ESRP1: variants seen among roughly 807,000 people sequenced by gnomAD.
The protein encoded by ESRP1 is RNA-binding motif protein 35A.
A neutral mutation model predicts 81.7 loss-of-function variants in ESRP1; 33 were observed. That is an observed-to-expected ratio of 0.40 (90% CI 0.31 to 0.54). The LOEUF is 0.54. Ranked by LOEUF, ESRP1 falls within the 20% of genes least tolerant of loss-of-function variation. ESRP1 has a pLI of 0.41. For missense variants in ESRP1, 672 were observed against 833.1 expected, an observed-to-expected ratio of 0.81 and a Z score of 2.38; for synonymous variants, 320 against 303.3, an observed-to-expected ratio of 1.06 and a Z score of -0.57.
chr8:94,653,650 C>T (rs1818260970), intron 4 of ESRP1, among the ~76,000 whole-genome samples: 1 of 152,150 alleles, frequency 6.6e-6, no homozygotes, highest in Non-Finnish European at 1.5e-5. Flanking sequence ...AAAGCATCAG[C>T]TACATGTTAG....
In ESRP1 at chr8:94,665,131, C is replaced by T. The variant is rs1352600908; in HGVS notation, c.889-23C>T. ...ACATAGGACGGAAGGCTCAGAAACA[C>T]TAACTTCTCTGTCTTTTCTCAGGTT... On this transcript the variant is annotated intron_variant, in intron 8 of 15. Coordinates refer to ENST00000433389, the MANE Select transcript of ESRP1 (RefSeq NM_017697.4). The T allele has an allele frequency of 1.9e-6, 3 of 1,613,522 alleles. No homozygotes were observed. The African/African-American group carries it at 4.0e-5, about 22-fold the overall frequency.
chr8:94,642,252 G>T (rs1434158677), intron 2 of ESRP1, among the ~76,000 whole-genome samples, 168 bp downstream of exon 2: 2 of 152,196 alleles, frequency 1.3e-5, no homozygotes. Flanking sequence ...GTTTGGGCGG[G>T]GGTCGCTGCT....
At chr8:94,682,751 A>G (rs891208555) in intron 13 of ESRP1, among the ~76,000 whole-genome samples, 1 of 144,898 alleles carries the variant, frequency 6.9e-6, no homozygotes, top group Non-Finnish European at 1.5e-5. Context: ...TAGACTGCGC[A>G]TGCTTGTATA....
In ESRP1 at chr8:94,665,035, T is replaced by A; in HGVS notation, c.864T>A (p.His288Gln). The A allele has an allele frequency of 6.2e-7, 1 of 1,613,708 alleles. No individual in the cohort carries two copies. Among genetic ancestry groups the A allele is most frequent in the Non-Finnish European group, 8.5e-7 (1 of 1,179,838 alleles). Residue 288 changes from histidine (H) to glutamine (Q), a missense_variant, in exon 8 of 16, where the codon CAT (histidine) becomes CAA (glutamine). Coordinates refer to ENST00000433389, the MANE Select transcript of ESRP1 (RefSeq NM_017697.4). ...ACCTAGCACTACAGAGGCACAAACA[T>A]CACATGGGGACCCGGTATATTGAGG... ...HRDLALQRHK[H>Q]HMGTRYIEVY...
At chr8:94,679,665 T>C (rs1054697973) in intron 13 of ESRP1, among the ~76,000 whole-genome samples, 4 of 152,192 alleles carry the variant, frequency 2.6e-5, no homozygotes, top group Non-Finnish European at 5.9e-5. Context: ...ATTTTTTTTT[T>C]TCTACCAGTA....
chr8:94,683,896 A>G (rs1019909977), intron 13 of ESRP1, among the ~76,000 whole-genome samples: 1 of 152,132 alleles, frequency 6.6e-6, no homozygotes, highest in African/African-American at 2.4e-5. Context: ...GCTAATGTAA[A>G]AACTTCAATG....
Position 94,692,811 on chromosome 8 carries a change from T to A in ESRP1, c.1955T>A (p.Phe652Tyr). Residue 652 changes from phenylalanine (F) to tyrosine (Y), a missense_variant, in exon 14 of 16, where the codon TTC becomes TAC. Physicochemically the swap from Phe to Tyr is conservative, Grantham distance 22. Transcript: ENST00000433389. ...YNTGVKEILN[F>Y]FQGYQYATED... is the part of the protein sequence containing the mutation. ...ACTGGAGTTAAGGAAATTCTTAACT[T>A]CTTCCAAGGTTACCAGGTCAGTAGC... 6.2e-7 allele frequency: 1 copy of A among 1,613,386 alleles called. No individual in the cohort carries two copies. Among genetic ancestry groups the A allele is most frequent in the Non-Finnish European group, 8.5e-7 (1 of 1,179,626 alleles).
At chr8:94,680,926 T>C (rs66477120) in intron 13 of ESRP1, among the ~76,000 whole-genome samples, 53,398 of 151,506 alleles carry the variant, frequency 0.35, 9,884 homozygotes, top group East Asian at 0.57. Flanking sequence ...AAAAAAGCCA[T>C]AAGTGGTGGG....
intron 8 of ESRP1, 32 bp downstream of exon 8, chr8:94,665,091 C>T (rs533561075): frequency 9.9e-6 from 16 of 1,613,712 alleles, no homozygotes; most frequent in East Asian, 2.2e-5. Context: ...CCCTGGACAT[C>T]GTGAATGAGA....
intron 6 of ESRP1, among the ~76,000 whole-genome samples, chr8:94,662,817 C>T (rs1818816767): frequency 6.6e-6 from 1 of 152,142 alleles, no homozygotes. Context: ...ACCATATTAG[C>T]CAGGATGGTC....
chr8:94,674,937 G>C (rs780648861), intron 12 of ESRP1, among the ~76,000 whole-genome samples: 1 of 151,898 alleles, frequency 6.6e-6, no homozygotes, highest in Admixed American at 6.5e-5. Context: ...TTAACTTTTT[G>C]AGCATCAAGT....
intron 13 of ESRP1, among the ~76,000 whole-genome samples, chr8:94,679,118 T>A (rs1808762329): frequency 6.6e-6 from 1 of 152,196 alleles, no homozygotes; most frequent in African/African-American, 2.4e-5. Flanking sequence ...CCCTGTCCAA[T>A]ACAGAATTTT....
At chr8:94,700,306 A>G (rs1185228663) in intron 15 of ESRP1, among the ~76,000 whole-genome samples, 4 of 152,238 alleles carry the variant, frequency 2.6e-5, no homozygotes, top group South Asian at 2.1e-4. Flanking sequence ...TAGATCATGA[A>G]TTATCTGGGT....
chr8:94,654,424 C>G (rs1818301661), intron 4 of ESRP1, among the ~76,000 whole-genome samples: 1 of 151,578 alleles, frequency 6.6e-6, no homozygotes. Flanking sequence ...TCTCCTTTTC[C>G]TAATTTGTTT....
At chr8:94,646,679 G>A (rs139340578) in intron 4 of ESRP1, among the ~76,000 whole-genome samples, 2 of 152,166 alleles carry the variant, frequency 1.3e-5, no homozygotes, top group East Asian at 3.9e-4. Context: ...TTAATTGGTG[G>A]ATATATCCCC....
intron 4 of ESRP1, among the ~76,000 whole-genome samples, chr8:94,657,466 T>TGTGTGC (rs1818483560): frequency 1.1e-5 from 1 of 92,682 alleles, no homozygotes; most frequent in African/African-American, 3.5e-5. Flanking sequence ...CTATTGAGGC[T>TGTGTGC]GTGTGCGTGT....
intron 15 of ESRP1, among the ~76,000 whole-genome samples, chr8:94,704,746 G>A (rs1202264453): frequency 7.4e-6 from 1 of 134,796 alleles, no homozygotes; most frequent in East Asian, 2.3e-4. Context: ...GGGTGACAAT[G>A]CAAGGCACCA....
chr8:94,691,269 AAAAC>A (rs1196770725), intron 13 of ESRP1, among the ~76,000 whole-genome samples: 15 of 152,312 alleles, frequency 9.8e-5, no homozygotes, highest in African/African-American at 3.4e-4. Context: ...AGTTGTTTAA[AAAAC>A]AAACAAACAA....
rs1428283874 is a variant in ESRP1, at chr8:94,641,962, C to G, written c.139C>G (p.Gln47Glu). The change falls in exon 2 of 16, where the codon CAG becomes GAG. Residue 47 changes from glutamine to glutamate, a missense_variant. Transcript: ENST00000433389. ...TGCTTCTCTACCTTCGGAGGTGGGA[C>G]AGTTGCACGAAGTGCTAGTTAGACC... ...VVDLANKKVG[Q>E]LHEVLVRPDQ... 1.2e-6 allele frequency: 2 copies of G among 1,613,706 alleles called. No individual in the cohort carries two copies. The highest frequency in any genetic ancestry group is 2.7e-5 in the African/African-American group (2 of 74,948).
Sources: gnomAD v4.1 joint callset for allele counts (sites outside exome capture counted in the v4.1 genomes callset) on GRCh38, gnomAD v4.1.1 for gene constraint, MANE v1.5 for transcripts, NCBI Gene and HGNC (gene_info 2026-07-23, HGNC 2026-07-21) for gene names.